DAD1: variants seen among roughly 807,000 people sequenced by gnomAD.
DAD1 encodes defender against cell death 1.
A neutral mutation model predicts 9.0 loss-of-function variants in DAD1; 4 were observed. The ratio of observed to expected loss-of-function variants is 0.44; its 90% CI spans 0.22 to 1.01. The LOEUF is 1.01. DAD1 is among the 50% of genes least tolerant of loss of function. The probability of loss-of-function intolerance (pLI) is 0.24; values close to 1 mark genes in which losing one functional copy is unlikely to be tolerated. For missense variants in DAD1, 119 were observed against 137.3 expected, an observed-to-expected ratio of 0.87 and a Z score of 0.67; for synonymous variants, 60 against 62.5, an observed-to-expected ratio of 0.96 and a Z score of 0.19.
At chr14:22,587,664 G>T (rs911418019) in intron 1 of DAD1, among the ~76,000 whole-genome samples, 27 of 151,926 alleles carry the variant, frequency 1.8e-4, no homozygotes, top group African/African-American at 6.5e-4. Flanking sequence ...AATATCTCTG[G>T]TGTGTCAGAA....
intron 2 of DAD1, among the ~76,000 whole-genome samples, chr14:22,570,131 A>C (rs941483678): frequency 2.0e-5 from 3 of 152,224 alleles, no homozygotes; most frequent in Non-Finnish European, 4.4e-5. Context: ...AATATCAAAG[A>C]GAAAATGAAA....
chr14:22,569,419 C>T (rs1230765269), intron 2 of DAD1, among the ~76,000 whole-genome samples: 1 of 145,212 alleles, frequency 6.9e-6, no homozygotes, highest in East Asian at 2.0e-4. Flanking sequence ...GACAACAAAG[C>T]GAGACTCCGT....
chr14:22,571,040 CA>C, intron 2 of DAD1, among the ~76,000 whole-genome samples: 1 of 144,746 alleles, frequency 6.9e-6, no homozygotes, highest in Non-Finnish European at 1.5e-5. Flanking sequence ...AAGAGTTTCA[CA>C]GGCCAGGTGC....
chr14:22,580,906 C>CA (rs2037111829), intron 1 of DAD1, among the ~76,000 whole-genome samples: 1 of 151,892 alleles, frequency 6.6e-6, no homozygotes, highest in South Asian at 2.1e-4. Context: ...ATAAGGATAT[C>CA]ACATCTCTCA....
rs368148546 is a variant in DAD1, at chr14:22,575,225, T to G, written c.220A>C (p.Arg74=). ...VGSFILAVCL[R]IQINPQNKAD... is the part of the protein sequence containing the mutation. ...TTGTTCTGTGGGTTGATCTGTATTC[T>G]CAGGCAAACTGCACAAGAAGCAAAA... Residue 74 remains arginine, a synonymous_variant, in exon 2 of 3, where the codon AGA becomes CGA. Coordinates refer to ENST00000250498, the MANE Select transcript of DAD1 (RefSeq NM_001344.4). The G allele has an allele frequency of 2.5e-6, 4 of 1,613,520 alleles. No homozygotes were observed. In the African/African-American group the frequency reaches 4.0e-5, roughly 16 times the overall value.
chr14:22,568,401 T>G (rs5742848), intron 2 of DAD1, among the ~76,000 whole-genome samples: 14,446 of 152,292 alleles, frequency 0.095, 1,262 homozygotes, highest in African/African-American at 0.23. Flanking sequence ...ATCATTTAAC[T>G]TTCTGCCTCC....
At chr14:22,584,241 G>A (rs1326036339) in intron 1 of DAD1, among the ~76,000 whole-genome samples, 1 of 152,136 alleles carries the variant, frequency 6.6e-6, no homozygotes, top group Non-Finnish European at 1.5e-5. Context: ...CATATACAGT[G>A]TTCAGCACTG....
chr14:22,565,603 T>C (rs2036997674), intron 2 of DAD1, among the ~76,000 whole-genome samples: 1 of 152,154 alleles, frequency 6.6e-6, no homozygotes, highest in African/African-American at 2.4e-5. Context: ...AAATTCCCAA[T>C]CTCAGCTATA....
chr14:22,571,658 A>G, intron 2 of DAD1, among the ~76,000 whole-genome samples: 1 of 130,186 alleles, frequency 7.7e-6, no homozygotes. Context: ...TAGAAAACAG[A>G]GTCTTACTCT....
chr14:22,567,467 T>C (rs776092592), intron 2 of DAD1, among the ~76,000 whole-genome samples: 29 of 152,234 alleles, frequency 1.9e-4, no homozygotes, highest in Non-Finnish European at 2.9e-4. Context: ...AGGCACAGAC[T>C]GTGTATTTCT....
At position 22,575,239 on chromosome 14, in the gene DAD1, C is replaced by G. The variant is rs764562342; in HGVS notation, c.212-6G>C. On this transcript the variant is annotated splice_polypyrimidine_tract_variant and splice_region_variant and intron_variant, in intron 1 of 2. Transcript: ENST00000250498. ...GATCTGTATTCTCAGGCAAACTGCA[C>G]AAGAAGCAAAACACAAAAAAATGAT... 1 of 1,612,262 alleles carries G rather than the reference C, an allele frequency of 6.2e-7. No homozygotes were observed. Among genetic ancestry groups the G allele is most frequent in the Admixed American group, 1.7e-5 (1 of 59,634 alleles).
At chr14:22,566,143 T>G (rs2037000645) in intron 2 of DAD1, among the ~76,000 whole-genome samples, 1 of 152,200 alleles carries the variant, frequency 6.6e-6, no homozygotes, top group African/African-American at 2.4e-5. Context: ...ACAGAAATGC[T>G]ACATAATTGC....
intron 1 of DAD1, among the ~76,000 whole-genome samples, chr14:22,585,001 T>C (rs764654327): frequency 1.3e-5 from 2 of 152,214 alleles, no homozygotes; most frequent in African/African-American, 2.4e-5. Context: ...GAAACAAGAC[T>C]ATCAGGCACA....
intron 1 of DAD1, among the ~76,000 whole-genome samples, chr14:22,586,896 C>T (rs1300799997): frequency 6.6e-6 from 1 of 152,028 alleles, no homozygotes; most frequent in African/African-American, 2.4e-5. Context: ...ATCATGAATC[C>T]CTTCTTTTCT....
intron 1 of DAD1, among the ~76,000 whole-genome samples, chr14:22,582,082 C>T (rs924617568): frequency 5.9e-5 from 9 of 152,078 alleles, no homozygotes; most frequent in African/African-American, 1.9e-4. Context: ...TGGCAGGCTC[C>T]TGGAATCCCA....
At chr14:22,573,496 C>T (rs952025887) in intron 2 of DAD1, among the ~76,000 whole-genome samples, 4 of 152,110 alleles carry the variant, frequency 2.6e-5, no homozygotes, top group East Asian at 3.9e-4. Flanking sequence ...GGGCGGATCA[C>T]CAGGTCAGGA....
chr14:22,585,906 T>C (rs1021362846), intron 1 of DAD1, among the ~76,000 whole-genome samples: 1 of 152,208 alleles, frequency 6.6e-6, no homozygotes, highest in Non-Finnish European at 1.5e-5. Context: ...TTTTCCTTTC[T>C]TTAAAAAAGC....
chr14:22,569,516 G>A (rs188804035), intron 2 of DAD1, among the ~76,000 whole-genome samples: 35 of 152,240 alleles, frequency 2.3e-4, no homozygotes, highest in African/African-American at 8.4e-4. Flanking sequence ...TCCAGTGGGA[G>A]AGAGAAGAAA....
chr14:22,589,126 C>A lies in DAD1; in HGVS notation c.32G>T (p.Arg11Leu), dbSNP rs765740362. Residue 11 changes from arginine (R) to leucine (L), a missense_variant, in exon 1 of 3, where the codon CGG (arginine) becomes CTG (leucine). Transcript: ENST00000250498. MSASVVSVISRFLEEYLSSTP... is the reference protein window; with the variant it reads MSASVVSVISLFLEEYLSSTP... ...GGAGCTCAAGTACTCTTCTAAGAAC[C>A]GCGAAATGACAGACACTACCGACGC... 14 of 1,614,086 alleles carry A rather than the reference C, an allele frequency of 8.7e-6. No homozygotes were observed. The highest frequency in any genetic ancestry group is 1.1e-5 in the South Asian group (1 of 91,086).
Sources: allele counts gnomAD v4.1 joint callset (sites outside exome capture counted in the v4.1 genomes callset), GRCh38; gene constraint gnomAD v4.1.1; transcripts MANE v1.5; gene names NCBI Gene and HGNC (gene_info 2026-07-23, HGNC 2026-07-21).